The following EZH2 variants were observed in gnomAD, a reference collection of about 807,000 sequenced individuals.
The protein encoded by EZH2 is histone-lysine N-methyltransferase EZH2.
EZH2 carries 18 observed loss-of-function variants against 98.4 expected under a neutral mutation model. The observed-to-expected ratio is 0.18, with a 90% CI of 0.13 to 0.27. EZH2 has a LOEUF of 0.27. Ranked by LOEUF, EZH2 falls within the 10% of genes least tolerant of loss-of-function variation. The probability of loss-of-function intolerance (pLI) is 1.00; values close to 1 mark genes in which losing one functional copy is unlikely to be tolerated. For synonymous variants in EZH2, 338 were observed against 312.3 expected, an observed-to-expected ratio of 1.08 and a Z score of -0.87; for missense variants, 470 against 935.1, an observed-to-expected ratio of 0.50 and a Z score of 6.49.
chr7:148,850,074 G>A (rs528800587), intron 1 of EZH2, among the ~76,000 whole-genome samples: 188 of 152,040 alleles, frequency 1.2e-3, no homozygotes, highest in Middle Eastern at 6.8e-3. Flanking sequence ...GCTGGAGTGC[G>A]GTGGTGCAAT....
At position 148,817,982 on chromosome 7, in the gene EZH2, C is replaced by G. The variant is rs144316514; in HGVS notation, c.1135G>C (p.Glu379Gln). The stretch of plus-strand genomic sequence containing the variant: ...CTATCACTGTCTGTATCCTTTGATT[C>G]CAGCACATTAATGGTGGGGGTGCTG... ...RPSTPTINVL[E>Q]SKDTDSDREA... The change falls in exon 10 of 20, where the codon GAA (glutamate) becomes CAA (glutamine). Residue 379 changes from glutamate (E) to glutamine (Q), a missense_variant. By Grantham distance (29) the Glu-to-Gln change is conservative. Around this residue, in one of 6 missense-constraint regions of EZH2, gnomAD observed 192 missense variants for 306.8 expected, o/e 0.63. Coordinates refer to ENST00000320356, the MANE Select transcript of EZH2 (RefSeq NM_004456.5). 5.6e-6 allele frequency: 9 copies of G among 1,614,012 alleles called. No individual in the cohort carries two copies. Among genetic ancestry groups the G allele is most frequent in the Non-Finnish European group, 5.9e-6 (7 of 1,180,036 alleles).
intron 1 of EZH2, among the ~76,000 whole-genome samples, chr7:148,872,289 T>C (rs1819533147): frequency 6.6e-6 from 1 of 151,922 alleles, no homozygotes; most frequent in African/African-American, 2.4e-5. Flanking sequence ...CAGTCAAAAA[T>C]CATGGAAACA....
chr7:148,874,331 T>A (rs546048097), intron 1 of EZH2, among the ~76,000 whole-genome samples: 12 of 151,984 alleles, frequency 7.9e-5, no homozygotes, highest in African/African-American at 2.9e-4. Flanking sequence ...GAGGTTGCAG[T>A]AAGCCAAGAT....
chr7:148,879,534 T>C lies in EZH2; in HGVS notation c.-8+4630A>G, dbSNP rs558545832. ...GGTGAAATCCCATCACTACTAAAAA[T>C]ACAAAAATTAGCCAGGCCTGGTGGT... is the stretch of plus-strand genomic sequence containing the variant. On this transcript the variant is annotated intron_variant, in intron 1 of 19. Transcript: ENST00000320356. Among the ~76,000 whole-genome samples, 3 of 151,900 alleles carry C rather than the reference T, an allele frequency of 2.0e-5. No homozygotes were observed. In the East Asian group the frequency reaches 5.8e-4, roughly 30 times the overall value.
chr7:148,873,557 A>ATTTTTTTTTTT (rs58553084), intron 1 of EZH2, among the ~76,000 whole-genome samples: 3 of 79,936 alleles, frequency 3.8e-5, no homozygotes, highest in African/African-American at 1.0e-4. Context: ...CATGCTCTTC[A>ATTTTTTTTTTT]TTTTTTTTTT....
intron 1 of EZH2, among the ~76,000 whole-genome samples, chr7:148,860,696 C>T (rs543929329): frequency 8.5e-5 from 13 of 152,114 alleles, no homozygotes; most frequent in African/African-American, 2.6e-4. Flanking sequence ...TTTTTTGAGA[C>T]AAGGTCTCAC....
At position 148,817,221 on chromosome 7, in the gene EZH2, C is replaced by A; in HGVS notation, c.1410+1G>T. On this transcript the variant is annotated splice_donor_variant, in intron 11 of 19. Transcript: ENST00000320356. LOFTEE classifies it high-confidence loss of function. The stretch of plus-strand genomic sequence containing the variant: ...AACAACATTTTTATCGGATATCTTA[C>A]CTGTCTACATGTTTTGGTCCCAATT... The A allele has an allele frequency of 6.2e-7, 1 of 1,609,280 alleles. No homozygotes were observed. Among genetic ancestry groups the A allele is most frequent in the Non-Finnish European group, 8.5e-7 (1 of 1,177,850 alleles).
At chr7:148,817,797 T>C (rs1804971136) in intron 10 of EZH2, 80 bp downstream of exon 10, 1 of 1,568,444 alleles carries the variant, frequency 6.4e-7, no homozygotes, top group Admixed American at 1.7e-5. Context: ...AAGAAAATTA[T>C]TCAATGCATT....
intron 1 of EZH2, among the ~76,000 whole-genome samples, chr7:148,880,871 T>C (rs1820852658): frequency 1.3e-5 from 2 of 152,216 alleles, no homozygotes; most frequent in Non-Finnish European, 2.9e-5. Context: ...AGGAGGCACT[T>C]TGACTGTAGG....
intron 1 of EZH2, among the ~76,000 whole-genome samples, chr7:148,857,250 G>T (rs1174582478): frequency 6.6e-6 from 1 of 152,302 alleles, no homozygotes; most frequent in East Asian, 1.9e-4. Context: ...AACAACCACA[G>T]ATCAGAAAAA....
rs965333122 is a variant in EZH2 at position 148,839,692 on chromosome 7, A to C, written c.246+6778T>G. ...CCCAAGTAGCTGGGACTACAGGCGC[A>C]CACCACCATGCCCAGCTAATTTTTT... On this transcript the variant is annotated intron_variant, in intron 3 of 19. Transcript: ENST00000320356. Among the ~76,000 whole-genome samples, 14 of 151,964 alleles carry C rather than the reference A, an allele frequency of 9.2e-5. No individual in the cohort carries two copies. The East Asian group carries it at 9.7e-4, about 11-fold the overall frequency.
intron 1 of EZH2, among the ~76,000 whole-genome samples, chr7:148,875,256 C>T (rs1288043534): frequency 6.6e-6 from 1 of 152,190 alleles, no homozygotes; most frequent in Non-Finnish European, 1.5e-5. Context: ...ATTTGTTTCA[C>T]ATAATTTATC....
At chr7:148,841,848 C>T (rs1175609446) in intron 3 of EZH2, among the ~76,000 whole-genome samples, 1 of 152,002 alleles carries the variant, frequency 6.6e-6, no homozygotes, top group African/African-American at 2.4e-5. Flanking sequence ...GTCCAAACTG[C>T]CAACATACAA....
chr7:148,857,681 G>T (rs143278563), intron 1 of EZH2, among the ~76,000 whole-genome samples: 2 of 152,198 alleles, frequency 1.3e-5, no homozygotes, highest in African/African-American at 2.4e-5. Flanking sequence ...AACCCAGGAG[G>T]TGGAGGCTGC....
chr7:148,878,758 G>GCC (rs1422735780), intron 1 of EZH2, among the ~76,000 whole-genome samples: 3 of 151,936 alleles, frequency 2.0e-5, no homozygotes, highest in Admixed American at 6.6e-5. Flanking sequence ...AATTAGCCAG[G>GCC]CGTGGTGGCA....
At chr7:148,868,812 G>T (rs377731316) in intron 1 of EZH2, among the ~76,000 whole-genome samples, 4 of 151,964 alleles carry the variant, frequency 2.6e-5, no homozygotes, top group African/African-American at 9.7e-5. Context: ...AGCCCTAATG[G>T]GTAAAAGACT....
intron 1 of EZH2, among the ~76,000 whole-genome samples, chr7:148,876,701 A>AG (rs1172614709): frequency 6.6e-6 from 1 of 152,172 alleles, no homozygotes; most frequent in African/African-American, 2.4e-5. Context: ...TACACCAAAG[A>AG]GGTACAGCTG....
rs1402189141 is a variant in EZH2 at position 148,846,563 on chromosome 7, T to C, written c.153A>G (p.Glu51=). 6.2e-7 allele frequency: 1 copy of C among 1,612,974 alleles called. No individual in the cohort carries two copies. The highest frequency in any genetic ancestry group is 8.5e-7 in the Non-Finnish European group (1 of 1,179,780). ...MFSSNRQKIL[E]RTEILNQEWK... is the part of the protein sequence containing the mutation. Reference sequence around the variant, plus strand: ...ATTCTTGGTTTAAGATTTCCGTTCTTTCCAAAATTTTCTGACGATTGGAAC... The same window carrying C: ...ATTCTTGGTTTAAGATTTCCGTTCTCTCCAAAATTTTCTGACGATTGGAAC... The change falls in exon 3 of 20, where the codon GAA becomes GAG. Residue 51 remains glutamate (E), a synonymous_variant. Coordinates refer to ENST00000320356, the MANE Select transcript of EZH2 (RefSeq NM_004456.5).
intron 1 of EZH2, chr7:148,876,139 T>C (rs764959101): frequency 6.6e-6 from 1 of 151,986 alleles, no homozygotes; most frequent in Admixed American, 6.6e-5. Context: ...CTACAAAAAT[T>C]AGCTGGGTGT....
Sources: gnomAD v4.1 joint callset for allele counts (sites outside exome capture counted in the v4.1 genomes callset) on GRCh38, gnomAD v4.1.1 for gene constraint, gnomAD v4.1.1 regional missense constraint, MANE v1.5 for transcripts, NCBI Gene and HGNC (gene_info 2026-07-23, HGNC 2026-07-21) for gene names.